Variants in ZNF521 observed in about 807,000 individuals in gnomAD.
ZNF521 encodes the protein LYST-interacting protein 3.
ZNF521 carries 14 observed loss-of-function variants against 105.5 expected under a neutral mutation model. That is an observed-to-expected ratio of 0.13 (90% CI 0.09 to 0.21). ZNF521 has a LOEUF of 0.21. ZNF521 is among the 10% of genes least tolerant of loss of function. The pLI is 1.00. For missense variants in ZNF521, 1,233 were observed against 1,629.7 expected (o/e 0.76, Z 4.19); for synonymous variants, 635 against 606.0 (o/e 1.05, Z -0.70).
In ZNF521 at chr18:25,275,061, C is replaced by T. The variant is rs75526841; in HGVS notation, c.220+46947G>A. Among the ~76,000 whole-genome samples the T allele has an allele frequency of 4.6e-4, 70 of 152,242 alleles. 1 individual carries two copies. The East Asian group carries it at 0.012, about 26-fold the overall frequency. On this transcript the variant is annotated intron_variant, in intron 3 of 7. Coordinates refer to ENST00000361524, the MANE Select transcript of ZNF521 (RefSeq NM_015461.3). ...CTTTCATTCAAAACAAATTCCTTAT[C>T]CAACCTATAAAATATTGCCAAAAAA... is the stretch of plus-strand genomic sequence containing the variant.
chr18:25,282,086 G>A (rs1006489015), intron 3 of ZNF521, among the ~76,000 whole-genome samples: 7 of 152,228 alleles, frequency 4.6e-5, no homozygotes, highest in Middle Eastern at 3.4e-3. Context: ...TATAATTATA[G>A]GAAAATTCTG....
intron 5 of ZNF521, among the ~76,000 whole-genome samples, chr18:25,176,761 G>A (rs932803921): frequency 2.0e-5 from 3 of 152,186 alleles, no homozygotes; most frequent in East Asian, 1.9e-4. Context: ...TGCCCAAGTC[G>A]GCCGCCCCGG....
At chr18:25,261,992 A>G (rs1008371540) in intron 3 of ZNF521, among the ~76,000 whole-genome samples, 6 of 152,210 alleles carry the variant, frequency 3.9e-5, no homozygotes, top group African/African-American at 1.4e-4. Context: ...TACTAGGATT[A>G]TAAAACTCTT....
At chr18:25,074,064 ACGCGTGTGTG>A (rs2033296252) in intron 7 of ZNF521, among the ~76,000 whole-genome samples, 2 of 117,774 alleles carry the variant, frequency 1.7e-5, no homozygotes, top group South Asian at 5.8e-4. Flanking sequence ...ATGTGTGCGC[ACGCGTGTGTG>A]CGTGCGTGTG....
chr18:25,145,168 C>T (rs1467917045), intron 5 of ZNF521, among the ~76,000 whole-genome samples: 1 of 152,160 alleles, frequency 6.6e-6, no homozygotes, highest in African/African-American at 2.4e-5. Flanking sequence ...GTTTCAATAT[C>T]ATGCAGGGCT....
At position 25,122,994 on chromosome 18, in the gene ZNF521, A is replaced by T. The variant is rs188156142; in HGVS notation, c.3659-30913T>A. Among the ~76,000 whole-genome samples, 47 of 152,216 alleles carry T rather than the reference A, an allele frequency of 3.1e-4. No individual in the cohort carries two copies. The East Asian group carries it at 8.3e-3, about 27-fold the overall frequency. ...AATATAGAGCCCTTAACTTAGGATG[A>T]GATTCTATCTGCTTCTTAAGCTAGA... On this transcript the variant is annotated intron_variant, in intron 5 of 7. Coordinates refer to ENST00000361524, the MANE Select transcript of ZNF521 (RefSeq NM_015461.3).
intron 3 of ZNF521, among the ~76,000 whole-genome samples, chr18:25,236,880 G>T (rs1906935840): frequency 6.6e-6 from 1 of 152,118 alleles, no homozygotes; most frequent in Admixed American, 6.5e-5. Context: ...CAGGTCTTAT[G>T]ATATTAAGTA....
chr18:25,308,163 T>C (rs1408390096), intron 3 of ZNF521, among the ~76,000 whole-genome samples: 1 of 135,964 alleles, frequency 7.4e-6, no homozygotes, highest in African/African-American at 2.8e-5. Flanking sequence ...GATCACGCCA[T>C]TGCACTCCAG....
intron 3 of ZNF521, among the ~76,000 whole-genome samples, chr18:25,279,877 A>G (rs1346364331): frequency 6.6e-6 from 1 of 152,248 alleles, no homozygotes; most frequent in Admixed American, 6.5e-5. Context: ...CAAGGCTATC[A>G]GGCTATAATA....
intron 7 of ZNF521, among the ~76,000 whole-genome samples, chr18:25,068,771 A>G (rs2033140151): frequency 6.6e-6 from 1 of 152,224 alleles, no homozygotes; most frequent in Non-Finnish European, 1.5e-5. Context: ...TTATTAATGA[A>G]TGCAGACCAT....
intron 3 of ZNF521, among the ~76,000 whole-genome samples, chr18:25,238,302 T>G (rs1197661970): frequency 6.6e-6 from 1 of 152,256 alleles, no homozygotes; most frequent in Non-Finnish European, 1.5e-5. Context: ...CTAACTGATG[T>G]ATGTATTCAC....
chr18:25,250,883 C>T (rs1047406949), intron 3 of ZNF521, among the ~76,000 whole-genome samples: 2 of 152,102 alleles, frequency 1.3e-5, no homozygotes, highest in Non-Finnish European at 2.9e-5. Context: ...TTAAGTGATT[C>T]ATTCTTCAGT....
At chr18:25,315,147 T>C (rs1302430038) in intron 3 of ZNF521, among the ~76,000 whole-genome samples, 1 of 152,210 alleles carries the variant, frequency 6.6e-6, no homozygotes, top group Admixed American at 6.5e-5. Flanking sequence ...TTTGATAATC[T>C]GTCTTCTGCA....
intron 2 of ZNF521, chr18:25,327,439 A>G: frequency 8.6e-7 from 1 of 1,166,510 alleles, no homozygotes. Context: ...CATATTTAGA[A>G]GTCCCACACC....
chr18:25,350,150 A>G (rs1158187678), intron 2 of ZNF521, among the ~76,000 whole-genome samples: 1 of 151,974 alleles, frequency 6.6e-6, no homozygotes, highest in African/African-American at 2.4e-5. Context: ...TGCGCCCCCA[A>G]AATCCCGCAC....
chr18:25,204,970 T>C lies in ZNF521; in HGVS notation c.3574-9726A>G, dbSNP rs562396366. Reference sequence around the variant, plus strand: ...GTCAATACATTTTGTTTACTGACTGTTGAATGGACAATCTAATGAGTCATT... The same window carrying C: ...GTCAATACATTTTGTTTACTGACTGCTGAATGGACAATCTAATGAGTCATT... On this transcript the variant is annotated intron_variant, in intron 4 of 7. Transcript: ENST00000361524. Among the ~76,000 whole-genome samples, 198 of 152,180 alleles carry C rather than the reference T, an allele frequency of 1.3e-3. 4 individuals are homozygous for C. In the South Asian group the frequency reaches 0.039, roughly 30 times the overall value.
At chr18:25,156,250 G>T (rs867093176) in intron 5 of ZNF521, among the ~76,000 whole-genome samples, 3 of 152,078 alleles carry the variant, frequency 2.0e-5, no homozygotes, top group African/African-American at 4.8e-5. Context: ...AAAATAAGGG[G>T]AAATGGACTT....
intron 5 of ZNF521, among the ~76,000 whole-genome samples, chr18:25,114,834 C>T (rs2034271729): frequency 6.6e-6 from 1 of 152,172 alleles, no homozygotes; most frequent in African/African-American, 2.4e-5. Context: ...ATTACAAGTA[C>T]TCTGGTTCTT....
At chr18:25,178,631 GTTTGT>G (rs1392037508) in intron 5 of ZNF521, among the ~76,000 whole-genome samples, 1 of 152,170 alleles carries the variant, frequency 6.6e-6, no homozygotes, top group Admixed American at 6.5e-5. Context: ...TTTCAAAGTA[GTTTGT>G]TTTAAGAAAG....
Sources: gnomAD v4.1 joint callset for allele counts (sites outside exome capture counted in the v4.1 genomes callset) on GRCh38, gnomAD v4.1.1 for gene constraint, MANE v1.5 for transcripts, NCBI Gene and HGNC (gene_info 2026-07-23, HGNC 2026-07-21) for gene names.